Variants in COL26A1 observed in about 807,000 individuals in gnomAD.
The protein encoded by COL26A1 is collagen alpha-1(XXVI) chain.
COL26A1 carries 41 observed loss-of-function variants against 59.3 expected under a neutral mutation model. That is an observed-to-expected ratio of 0.69 (90% CI 0.54 to 0.90). The LOEUF (loss-of-function observed/expected upper bound fraction) is 0.90. Ranked by LOEUF, COL26A1 falls within the 40% of genes least tolerant of loss-of-function variation. The pLI is 0.00. For missense variants in COL26A1, 612 were observed against 602.3 expected (o/e 1.02, Z -0.17); for synonymous variants, 266 against 256.0 (o/e 1.04, Z -0.37).
chr7:101,470,974 A>G (rs974451583), intron 3 of COL26A1, among the ~76,000 whole-genome samples: 1 of 152,240 alleles, frequency 6.6e-6, no homozygotes, highest in East Asian at 1.9e-4. Flanking sequence ...ATGAATAACA[A>G]AACACACTCC....
At chr7:101,467,594 G>C in intron 3 of COL26A1, among the ~76,000 whole-genome samples, 1 of 151,822 alleles carries the variant, frequency 6.6e-6, no homozygotes, top group South Asian at 2.1e-4. Context: ...GGGGCCGGGC[G>C]CGGTGGCTCA....
intron 2 of COL26A1, among the ~76,000 whole-genome samples, chr7:101,430,463 AT>A (rs1290778514): frequency 4.5e-4 from 64 of 142,102 alleles, no homozygotes; most frequent in Admixed American, 4.3e-4. Context: ...TAATTTTTGT[AT>A]TTTTTTTTTT....
intron 3 of COL26A1, among the ~76,000 whole-genome samples, chr7:101,474,652 G>A (rs1411397080): frequency 6.6e-5 from 10 of 152,158 alleles, no homozygotes; most frequent in African/African-American, 2.4e-4. Flanking sequence ...GGGCTATGGT[G>A]AAAGGCCTCT....
intron 1 of COL26A1, among the ~76,000 whole-genome samples, chr7:101,388,483 C>T (rs949624946): frequency 3.3e-5 from 5 of 151,626 alleles, no homozygotes; most frequent in African/African-American, 1.2e-4. Flanking sequence ...CAAAAACAGA[C>T]AAACAAAAAG....
intron 2 of COL26A1, among the ~76,000 whole-genome samples, chr7:101,431,057 C>T (rs1202790829): frequency 6.6e-6 from 1 of 152,090 alleles, no homozygotes; most frequent in African/African-American, 2.4e-5. Context: ...CTGCCTCAGC[C>T]TCCCAAAGTG....
rs1028846747 is a variant in COL26A1, at chr7:101,526,176, G to A, written c.386-6906G>A. 2.6e-5 allele frequency among the ~76,000 whole-genome samples: 4 copies of A among 152,042 alleles called. No homozygotes were observed. The East Asian group carries it at 7.7e-4, about 29-fold the overall frequency. The stretch of plus-strand genomic sequence containing the variant: ...CGATTCTCCTGCTTCAGCCTCCCGA[G>A]TAGTTGGGATTACAGGTGCCCGCCA... On this transcript the variant is annotated intron_variant, in intron 3 of 12. Coordinates refer to ENST00000313669, the MANE Select transcript of COL26A1 (RefSeq NM_001278563.3).
chr7:101,478,635 A>G (rs1050581544), intron 3 of COL26A1, among the ~76,000 whole-genome samples: 10 of 152,178 alleles, frequency 6.6e-5, no homozygotes, highest in Non-Finnish European at 1.5e-4. Context: ...TTTCCTTTTT[A>G]ACTTTTTATT....
chr7:101,409,172 G>C (rs999896337), intron 1 of COL26A1, among the ~76,000 whole-genome samples: 2 of 152,152 alleles, frequency 1.3e-5, no homozygotes, highest in Non-Finnish European at 2.9e-5. Flanking sequence ...GCGCTTGGCT[G>C]GGGTCTGAAC....
intron 3 of COL26A1, among the ~76,000 whole-genome samples, chr7:101,525,723 C>G (rs963392513): frequency 6.6e-6 from 1 of 152,078 alleles, no homozygotes; most frequent in Non-Finnish European, 1.5e-5. Context: ...GTCTCGATCT[C>G]CTGACCTCGT....
intron 3 of COL26A1, among the ~76,000 whole-genome samples, chr7:101,526,839 T>C (rs923237791): frequency 6.6e-6 from 1 of 152,066 alleles, no homozygotes; most frequent in African/African-American, 2.4e-5. Context: ...TAAACCCCCT[T>C]TATAGATGGG....
intron 3 of COL26A1, among the ~76,000 whole-genome samples, chr7:101,516,129 T>C (rs1795023776): frequency 6.6e-6 from 1 of 152,244 alleles, no homozygotes; most frequent in Admixed American, 6.5e-5. Context: ...AAATGTGTGA[T>C]TGTGGCCGTG....
intron 2 of COL26A1, among the ~76,000 whole-genome samples, chr7:101,445,519 C>A (rs550724276): frequency 2.2e-4 from 33 of 150,170 alleles, no homozygotes; most frequent in Non-Finnish European, 4.3e-4. Flanking sequence ...ATCACGAGGT[C>A]AGGAGATCGA....
chr7:101,474,123 G>C (rs531568872), intron 3 of COL26A1, among the ~76,000 whole-genome samples: 6 of 152,238 alleles, frequency 3.9e-5, no homozygotes, highest in African/African-American at 1.4e-4. Flanking sequence ...GTAACCCTGG[G>C]CAGCAGGCAG....
chr7:101,527,269 C>A (rs999074649), intron 3 of COL26A1, among the ~76,000 whole-genome samples: 1 of 151,346 alleles, frequency 6.6e-6, no homozygotes, highest in Non-Finnish European at 1.5e-5. Flanking sequence ...CCCCACCTGG[C>A]CTGCTCTCTC....
At chr7:101,363,554 G>C (rs71559409) in intron 1 of COL26A1, among the ~76,000 whole-genome samples, 1 of 125,152 alleles carries the variant, frequency 8.0e-6, no homozygotes, top group East Asian at 2.6e-4. Flanking sequence ...GGGGGTTGGG[G>C]GCTGCAGACG....
At chr7:101,496,164 T>G (rs1383528799) in intron 3 of COL26A1, among the ~76,000 whole-genome samples, 1 of 152,182 alleles carries the variant, frequency 6.6e-6, no homozygotes, top group Non-Finnish European at 1.5e-5. Flanking sequence ...AAACCGGATG[T>G]TGCATTTCCC....
At position 101,555,874 on chromosome 7, in the gene COL26A1, G is replaced by A. The variant is rs1795964156; in HGVS notation, c.1165+3G>A. ...GGAGCACATGATTGGGATCCACGGTGAGCAGTGACCAGGATCAGCGGGCTG... is the reference window on the plus strand; with the variant it reads ...GGAGCACATGATTGGGATCCACGGTAAGCAGTGACCAGGATCAGCGGGCTG... On this transcript the variant is annotated splice_donor_region_variant and intron_variant, in intron 12 of 12. Coordinates refer to ENST00000313669, the MANE Select transcript of COL26A1 (RefSeq NM_001278563.3). 6.2e-7 allele frequency: 1 copy of A among 1,604,658 alleles called. No individual in the cohort carries two copies. Among genetic ancestry groups the A allele is most frequent in the East Asian group, 2.2e-5 (1 of 44,546 alleles).
At chr7:101,406,759 G>A (rs546675537) in intron 1 of COL26A1, among the ~76,000 whole-genome samples, 13 of 152,122 alleles carry the variant, frequency 8.5e-5, no homozygotes, top group Middle Eastern at 6.8e-3. Context: ...CAGCCTGGGC[G>A]ACATAGCAGG....
intron 3 of COL26A1, among the ~76,000 whole-genome samples, chr7:101,487,654 C>G (rs997184300): frequency 6.6e-6 from 1 of 152,204 alleles, no homozygotes; most frequent in Non-Finnish European, 1.5e-5. Context: ...CCTGTGCAAA[C>G]CTGAGACCCT....
Sources: gnomAD v4.1 joint callset for allele counts (sites outside exome capture counted in the v4.1 genomes callset) on GRCh38, gnomAD v4.1.1 for gene constraint, MANE v1.5 for transcripts, NCBI Gene and HGNC (gene_info 2026-07-23, HGNC 2026-07-21) for gene names.